The following KIF5B variants were observed in gnomAD, a reference collection of about 807,000 sequenced individuals.
KIF5B encodes the protein kinesin family member 5B.
KIF5B carries 49 observed loss-of-function variants against 132.8 expected under a neutral mutation model. That is an observed-to-expected ratio of 0.37 (90% CI 0.29 to 0.47). The LOEUF (loss-of-function observed/expected upper bound fraction) is 0.47. Among genes scored for constraint, KIF5B ranks in the 20% least tolerant of loss-of-function variants. The pLI, the probability that KIF5B is intolerant of heterozygous loss-of-function variation, is 1.00. For synonymous variants in KIF5B, 355 were observed against 369.4 expected, an observed-to-expected ratio of 0.96 and a Z score of 0.45; for missense variants, 780 against 1,144.0, an observed-to-expected ratio of 0.68 and a Z score of 4.59.
In KIF5B at chr10:32,017,268, G is replaced by A; in HGVS notation, c.2636C>T (p.Ser879Leu). Residue 879 changes from serine to leucine, a missense_variant, in exon 24 of 26, where the codon TCA becomes TTA. Physicochemically the swap from Ser to Leu is moderately radical, Grantham distance 145. Transcript: ENST00000302418. ...ATAERVKALE[S>L]ALKEAKENAS... ...ATTTTCTTTAGCTTCTTTCAGTGCT[G>A]ATTCCAAAGCTTTCACTCTCTCAGC... 6.2e-7 allele frequency: 1 copy of A among 1,614,152 alleles called. No individual in the cohort carries two copies. The highest frequency in any genetic ancestry group is 8.5e-7 in the Non-Finnish European group (1 of 1,180,012).
At chr10:32,016,462 A>G (rs1346534415) in intron 24 of KIF5B, among the ~76,000 whole-genome samples, 1 of 152,106 alleles carries the variant, frequency 6.6e-6, no homozygotes, top group Non-Finnish European at 1.5e-5. Flanking sequence ...ATCTCAAAAA[A>G]CAAGCAAAAA....
rs772464564 is a variant in KIF5B, at chr10:32,032,698, C to T, written c.1374+8G>A. ...TTCTGGAAGCAATGTAAAAGGTATTCAACTCACCTCCTCCTGATCCAACAT... is the reference window on the plus strand; with the variant it reads ...TTCTGGAAGCAATGTAAAAGGTATTTAACTCACCTCCTCCTGATCCAACAT... On this transcript the variant is annotated splice_region_variant and intron_variant, in intron 13 of 25. Transcript: ENST00000302418. The T allele has an allele frequency of 1.7e-5, 27 of 1,609,216 alleles. No individual in the cohort carries two copies. In the Admixed American group the frequency reaches 3.0e-4, roughly 18 times the overall value.
intron 14 of KIF5B, among the ~76,000 whole-genome samples, chr10:32,028,847 TTC>T (rs942668227): frequency 6.6e-4 from 100 of 152,304 alleles, no homozygotes; most frequent in African/African-American, 2.2e-3. Flanking sequence ...GAATAATATT[TTC>T]TGTCTAAAAA....
rs748046651 is a variant in KIF5B at position 32,019,842 on chromosome 10, A to G, written c.2306+16T>C. 1.1e-5 allele frequency: 17 copies of G among 1,526,366 alleles called. No individual in the cohort carries two copies. The highest frequency in any genetic ancestry group is 6.9e-5 in the African/African-American group (5 of 72,002). The allele number at this position is 1,526,366 out of a possible 1,614,324, so 94.6% of individuals were successfully genotyped here. A position where few individuals can be genotyped will look rare whatever the true frequency, so the allele number is the denominator to read the frequency against. ...TAGCTTTTATTTTTAAACTTTAATT[A>G]AAAACAATTACTCACGTAAGTTCAT... On this transcript the variant is annotated intron_variant, in intron 20 of 25. Transcript: ENST00000302418.
At chr10:32,043,419 T>A (rs1440089085) in intron 2 of KIF5B, among the ~76,000 whole-genome samples, 2 of 152,040 alleles carry the variant, frequency 1.3e-5, no homozygotes, top group African/African-American at 4.8e-5. Flanking sequence ...CAAATGCAAA[T>A]AGACTTGGTT....
intron 25 of KIF5B, among the ~76,000 whole-genome samples, chr10:32,013,665 C>CTTAT (rs901059635): frequency 2.1e-4 from 32 of 152,208 alleles, no homozygotes; most frequent in African/African-American, 7.7e-4. Context: ...TATAATCTTA[C>CTTAT]TGGGTGTGAT....
At chr10:32,022,295 T>A (rs1327598724) in intron 16 of KIF5B, 38 bp from the exon 17 acceptor site, 1 of 940,486 alleles carries the variant, frequency 1.1e-6, no homozygotes, top group Non-Finnish European at 1.7e-6. Flanking sequence ...GTGGAAAACA[T>A]ATGCATACAC....
At chr10:32,043,424 T>C (rs1338254037) in intron 2 of KIF5B, among the ~76,000 whole-genome samples, 1 of 152,148 alleles carries the variant, frequency 6.6e-6, no homozygotes, top group Non-Finnish European at 1.5e-5. Flanking sequence ...GCAAATAGAC[T>C]TGGTTCCAGA....
intron 13 of KIF5B, among the ~76,000 whole-genome samples, chr10:32,031,536 A>G (rs144550937): frequency 1.9e-4 from 29 of 152,334 alleles, no homozygotes; most frequent in Admixed American, 4.6e-4. Context: ...GAATAAGTGC[A>G]GTACAAGATA....
Position 32,015,688 on chromosome 10 carries a change from G to A in KIF5B, c.2762-29C>T, listed in dbSNP as rs770073696. 3.2e-6 allele frequency: 5 copies of A among 1,580,770 alleles called. 1 individual carries two copies. The South Asian group carries it at 5.7e-5, about 18-fold the overall frequency. On this transcript the variant is annotated intron_variant, in intron 24 of 25. Transcript: ENST00000302418. Reference sequence around the variant, plus strand: ...ATATGAAAAATAAAGACAGACTTTAGAATAAAGTTTAAGATGTGACTGCAA... The same window carrying A: ...ATATGAAAAATAAAGACAGACTTTAAAATAAAGTTTAAGATGTGACTGCAA...
chr10:32,039,228 A>G, intron 4 of KIF5B, 99 bp downstream of exon 4: 1 of 572,626 alleles, frequency 1.7e-6, no homozygotes, highest in Non-Finnish European at 3.0e-6. Context: ...ACCTTTCCAG[A>G]AAAACAATTT....
intron 2 of KIF5B, among the ~76,000 whole-genome samples, chr10:32,046,180 C>G (rs1841606780): frequency 6.6e-6 from 1 of 152,026 alleles, no homozygotes; most frequent in East Asian, 1.9e-4. Context: ...GCAAGAGATA[C>G]AAAAAAGACC....
At chr10:32,020,224 A>G (rs1163059231) in intron 19 of KIF5B, among the ~76,000 whole-genome samples, 1 of 152,110 alleles carries the variant, frequency 6.6e-6, no homozygotes, top group East Asian at 1.9e-4. Flanking sequence ...TATTCATAGT[A>G]AGACCTACGC....
intron 5 of KIF5B, 25 bp from the exon 6 acceptor site, chr10:32,038,243 C>CT: frequency 6.5e-7 from 1 of 1,536,042 alleles, no homozygotes; most frequent in Non-Finnish European, 9.0e-7. Context: ...CAAATGTTAG[C>CT]AACATTCTCC....
At chr10:32,042,279 G>T (rs1841552377) in intron 2 of KIF5B, among the ~76,000 whole-genome samples, 1 of 152,098 alleles carries the variant, frequency 6.6e-6, no homozygotes, top group African/African-American at 2.4e-5. Flanking sequence ...GAGAAAAAAA[G>T]ACATCATTAC....
At chr10:32,014,176 T>C (rs1841124795) in intron 25 of KIF5B, among the ~76,000 whole-genome samples, 1 of 152,154 alleles carries the variant, frequency 6.6e-6, no homozygotes, top group Non-Finnish European at 1.5e-5. Flanking sequence ...CACTAACCAA[T>C]CACGTTGTAG....
intron 17 of KIF5B, among the ~76,000 whole-genome samples, chr10:32,021,555 A>C (rs1273391974): frequency 6.7e-6 from 1 of 150,062 alleles, no homozygotes; most frequent in Non-Finnish European, 1.5e-5. Flanking sequence ...GGGAATGGTA[A>C]AGAAATGAGA....
rs140467980 is a variant in KIF5B, at chr10:32,040,987, C to CA, written c.215-531dup. ...TGGGTGACAGAGTAAGACACCATCT[C>CA]AAAAAAAAAAAAAAAAAATTAGCTG... On this transcript the variant is annotated intron_variant, in intron 2 of 25. Coordinates refer to ENST00000302418, the MANE Select transcript of KIF5B (RefSeq NM_004521.3). Among the ~76,000 whole-genome samples the CA allele has an allele frequency of 6.1e-3, 622 of 101,258 alleles. 5 individuals carry two copies. Among genetic ancestry groups the CA allele is most frequent in the African/African-American group, 0.016 (418 of 26,518 alleles). 66.4% of individuals were successfully genotyped at this position (101,258 alleles called of 152,430 possible). A position where few individuals can be genotyped will look rare whatever the true frequency, so the allele number is the denominator to read the frequency against.
chr10:32,031,504 G>A (rs1841401846), intron 13 of KIF5B, among the ~76,000 whole-genome samples: 1 of 152,160 alleles, frequency 6.6e-6, no homozygotes, highest in Non-Finnish European at 1.5e-5. Flanking sequence ...AAGGAACACA[G>A]TAGAAGAGAA....
Sources: allele counts gnomAD v4.1 joint callset (sites outside exome capture counted in the v4.1 genomes callset), GRCh38; gene constraint gnomAD v4.1.1; transcripts MANE v1.5; gene names NCBI Gene and HGNC (gene_info 2026-07-23, HGNC 2026-07-21).